The following TICRR variants were observed in gnomAD, a reference collection of about 807,000 sequenced individuals.
The protein encoded by TICRR is treslin.
A neutral mutation model predicts 178.1 loss-of-function variants in TICRR; 132 were observed. That is an observed-to-expected ratio of 0.74 (90% CI 0.64 to 0.86). TICRR has a LOEUF of 0.86. TICRR is among the 40% of genes least tolerant of loss of function. The pLI is 0.00. For synonymous variants in TICRR, 991 were observed against 900.7 expected, an observed-to-expected ratio of 1.10 and a Z score of -1.79; for missense variants, 2,587 against 2,334.3, an observed-to-expected ratio of 1.11 and a Z score of -2.23.
At position 89,601,414 on chromosome 15, in the gene TICRR, T is replaced by C. The variant is rs773201043; in HGVS notation, c.2247+23T>C. 10 of 1,613,280 alleles carry C rather than the reference T, an allele frequency of 6.2e-6. No homozygotes were observed. In the South Asian group the frequency reaches 8.8e-5, roughly 14 times the overall value. ...GAGGCAAGTATATAGTTTCGTGCCA[T>C]TGAAATACGCCCTAGATGCTTTCAG... On this transcript the variant is annotated intron_variant, in intron 10 of 21. Coordinates refer to ENST00000268138, the MANE Select transcript of TICRR (RefSeq NM_152259.4).
intron 1 of TICRR, among the ~76,000 whole-genome samples, chr15:89,579,471 G>A (rs914217948): frequency 1.3e-5 from 2 of 151,604 alleles, no homozygotes; most frequent in Non-Finnish European, 1.5e-5. Flanking sequence ...TCAGCCTCCC[G>A]AGTAGCTGGG....
intron 19 of TICRR, among the ~76,000 whole-genome samples, chr15:89,623,166 C>T (rs1426598199): frequency 6.6e-6 from 1 of 152,164 alleles, no homozygotes; most frequent in Non-Finnish European, 1.5e-5. Context: ...TCTGTGTATT[C>T]CATGCCCCCA....
At position 89,584,524 on chromosome 15, in the gene TICRR, C is replaced by T. The variant is rs1163566364; in HGVS notation, c.1173C>T (p.His391=). ...LVSRLTAEEL[H]LVADVDPGEG... ...GCAGGCTGACTGCTGAAGAGTTACA[C>T]CTGGTAGGTATCCTCCACACGGGAA... Residue 391 remains histidine, a synonymous_variant, in exon 3 of 22, where the codon CAC becomes CAT. Coordinates refer to ENST00000268138, the MANE Select transcript of TICRR (RefSeq NM_152259.4). The T allele has an allele frequency of 6.4e-7, 1 of 1,561,182 alleles. No individual in the cohort carries two copies. The highest frequency in any genetic ancestry group is 8.7e-7 in the Non-Finnish European group (1 of 1,152,998).
intron 15 of TICRR, among the ~76,000 whole-genome samples, chr15:89,614,593 A>G (rs1476297791): frequency 6.6e-6 from 1 of 152,198 alleles, no homozygotes; most frequent in East Asian, 1.9e-4. Context: ...AGCCTCCCAA[A>G]GTGCTGGGAT....
Position 89,592,194 on chromosome 15 carries a change from C to T in TICRR, c.1541+18C>T. 6.2e-7 allele frequency: 1 copy of T among 1,603,020 alleles called. No individual in the cohort carries two copies. On this transcript the variant is annotated intron_variant, in intron 5 of 21. Coordinates refer to ENST00000268138, the MANE Select transcript of TICRR (RefSeq NM_152259.4). ...TCATTTGGGTAAAACGTTTTTATAT[C>T]TCTTGAATATTGATTATTAAAATCA...
At chr15:89,626,423 G>A (rs555189100) in intron 21 of TICRR, among the ~76,000 whole-genome samples, 13 of 152,154 alleles carry the variant, frequency 8.5e-5, no homozygotes, top group Non-Finnish European at 1.5e-4. Context: ...GGGTTTATCC[G>A]CATGTTCTGT....
In TICRR at chr15:89,624,644, T is replaced by C; in HGVS notation, c.4334T>C (p.Leu1445Pro). The stretch of plus-strand genomic sequence containing the variant: ...AGACGGGGCTACCCAGGCCCTGGTC[T>C]CAGGAGTGATTGGCATGCATCCTCT... Reference protein sequence around the residue: ...PERRGYPGPGLRSDWHASSPL... With the variant: ...PERRGYPGPGPRSDWHASSPL... Residue 1445 changes from leucine (L) to proline (P), a missense_variant, in exon 20 of 22, where the codon CTC (leucine) becomes CCC (proline). Transcript: ENST00000268138. 1 of 1,614,098 alleles carries C rather than the reference T, an allele frequency of 6.2e-7. No homozygotes were observed.
In TICRR at chr15:89,627,836, T is replaced by G. The variant is rs925029752; in HGVS notation, c.*750T>G. The G allele has an allele frequency of 6.6e-6, 1 of 152,520 alleles. No homozygotes were observed. Among genetic ancestry groups the G allele is most frequent in the African/African-American group, 2.4e-5 (1 of 41,442 alleles). 9.4% of individuals were successfully genotyped at this position (152,520 alleles called of 1,614,324 possible). On this transcript the variant is annotated 3_prime_UTR_variant, in exon 22 of 22. Transcript: ENST00000268138. ...CGCTGGACCAGCCTGCTGCGGGTCC[T>G]GGCCAGGGGTCTGGCTAACGGTGAG...
rs374336780 is a variant in TICRR at position 89,616,452 on chromosome 15, A to C, written c.2917A>C (p.Lys973Gln). The C allele has an allele frequency of 6.2e-7, 1 of 1,614,046 alleles. No individual in the cohort carries two copies. The highest frequency in any genetic ancestry group is 8.5e-7 in the Non-Finnish European group (1 of 1,179,934). Reference sequence around the variant, plus strand: ...GAGTGTGGCCGAGACTCCAGTGCATAAGCAGATCTCCAAAAGGCTGCTGCA... The same window carrying C: ...GAGTGTGGCCGAGACTCCAGTGCATCAGCAGATCTCCAAAAGGCTGCTGCA... The part of the protein sequence containing the change: ...TKSVAETPVH[K>Q]QISKRLLHRQ... Residue 973 changes from lysine (K) to glutamine (Q), a missense_variant, in exon 16 of 22, where the codon AAG (lysine) becomes CAG (glutamine). Coordinates refer to ENST00000268138, the MANE Select transcript of TICRR (RefSeq NM_152259.4).
chr15:89,578,641 C>G (rs1962667200), intron 1 of TICRR, among the ~76,000 whole-genome samples: 1 of 148,730 alleles, frequency 6.7e-6, no homozygotes, highest in African/African-American at 2.5e-5. Flanking sequence ...CTTTTTTTCT[C>G]TTTAATCTCT....
chr15:89,624,954 G>A lies in TICRR; in HGVS notation c.4644G>A (p.Trp1548Ter). The A allele has an allele frequency of 6.2e-7, 1 of 1,614,090 alleles. No individual in the cohort carries two copies. The highest frequency in any genetic ancestry group is 8.5e-7 in the Non-Finnish European group (1 of 1,180,034). ...AQLDNLPASA[W>*]HSTDSASPQT... The stretch of plus-strand genomic sequence containing the variant: ...TAGACAACCTGCCAGCATCAGCTTG[G>A]CATTCCACAGACTCTGCCAGCCCAC... The change falls in exon 20 of 22, where the codon TGG becomes TGA. Residue 1548 changes from tryptophan (W) to a stop codon, truncating the protein, a stop_gained. Coordinates refer to ENST00000268138, the MANE Select transcript of TICRR (RefSeq NM_152259.4). LOFTEE classifies it high-confidence loss of function.
chr15:89,582,815 A>C lies in TICRR; in HGVS notation c.784A>C (p.Ser262Arg). Residue 262 changes from serine to arginine, a missense_variant, in exon 2 of 22, where the codon AGT (serine) becomes CGT (arginine). Transcript: ENST00000268138. ...TCAAGCTGGGGAAATGCTGCTCAGG[A>C]GTGGAATAAAGCTGTCAAGTGAACC... ...FAQAGEMLLR[S>R]GIKLSSEPHL... The C allele has an allele frequency of 6.2e-7, 1 of 1,614,188 alleles. No homozygotes were observed. The highest frequency in any genetic ancestry group is 1.1e-5 in the South Asian group (1 of 91,088).
rs766261798 is a variant in TICRR at position 89,584,253 on chromosome 15, T to C, written c.935-33T>C. ...TTAATCTTTTTTTAAAATTTTAATT[T>C]GGCATCCTGGTCTAATTAATCTTTA... is the stretch of plus-strand genomic sequence containing the variant. On this transcript the variant is annotated intron_variant, in intron 2 of 21. Transcript: ENST00000268138. The C allele has an allele frequency of 3.3e-6, 5 of 1,537,646 alleles. No individual in the cohort carries two copies. The African/African-American group carries it at 7.0e-5, about 21-fold the overall frequency.
intron 1 of TICRR, among the ~76,000 whole-genome samples, chr15:89,577,890 C>G (rs530218205): frequency 6.6e-6 from 1 of 151,664 alleles, no homozygotes; most frequent in Non-Finnish European, 1.5e-5. Flanking sequence ...GGATTACAGG[C>G]ATGAGCCACC....
In TICRR at chr15:89,576,135, C is replaced by T. The variant is rs758213007; in HGVS notation, c.549C>T (p.Pro183=). 2.0e-5 allele frequency: 32 copies of T among 1,608,612 alleles called. No homozygotes were observed. In the South Asian group the frequency reaches 3.3e-4, roughly 17 times the overall value. Residue 183 remains proline, a synonymous_variant, in exon 1 of 22, where the codon CCC becomes CCT. Coordinates refer to ENST00000268138, the MANE Select transcript of TICRR (RefSeq NM_152259.4). ...GCEAQAQRLP[P]TPKQVMEKLL... is the part of the protein sequence containing the mutation. ...AGGCCCAGGCCCAGCGCCTGCCGCCCACCCCTAAGCAGGTGATGGAGAAGT... is the reference window on the plus strand; with the variant it reads ...AGGCCCAGGCCCAGCGCCTGCCGCCTACCCCTAAGCAGGTGATGGAGAAGT...
At chr15:89,623,379 A>T (rs1367132140) in intron 19 of TICRR, among the ~76,000 whole-genome samples, 4 of 152,246 alleles carry the variant, frequency 2.6e-5, no homozygotes, top group African/African-American at 7.2e-5. Context: ...CAATATGTAG[A>T]TTATTAAAAT....
At chr15:89,610,872 C>T (rs1963245808) in intron 15 of TICRR, among the ~76,000 whole-genome samples, 1 of 151,890 alleles carries the variant, frequency 6.6e-6, no homozygotes, top group African/African-American at 2.4e-5. Context: ...AACCCAGCTA[C>T]TGGTTACCTC....
Position 89,626,950 on chromosome 15 carries a change from T to G in TICRR, c.5603-6T>G. The G allele has an allele frequency of 1.9e-6, 3 of 1,613,726 alleles. No individual in the cohort carries two copies. Among genetic ancestry groups the G allele is most frequent in the Non-Finnish European group, 1.7e-6 (2 of 1,179,740 alleles). On this transcript the variant is annotated splice_polypyrimidine_tract_variant and splice_region_variant and intron_variant, in intron 21 of 21. Transcript: ENST00000268138. ...CTGCATGCTAAGCCTTTCTACCTTC[T>G]TCTAGATGAGGATGTGGATGTTCTT... is the stretch of plus-strand genomic sequence containing the variant.
At chr15:89,580,954 T>C (rs1475795820) in intron 1 of TICRR, among the ~76,000 whole-genome samples, 1 of 152,296 alleles carries the variant, frequency 6.6e-6, no homozygotes, top group East Asian at 1.9e-4. Flanking sequence ...GAGGATTGCT[T>C]GAGTCCAGAA....
Sources: gnomAD v4.1 joint callset for allele counts (sites outside exome capture counted in the v4.1 genomes callset) on GRCh38, gnomAD v4.1.1 for gene constraint, MANE v1.5 for transcripts, NCBI Gene and HGNC (gene_info 2026-07-23, HGNC 2026-07-21) for gene names.